BABAM2: variants seen among roughly 807,000 people sequenced by gnomAD.
The protein encoded by BABAM2 is BRISC and BRCA1 A complex member 2, also known as BRISC and BRCA1-A complex member 2.
In BABAM2, 31 loss-of-function variants were observed where a neutral mutation model predicts 54.7. The ratio of observed to expected loss-of-function variants is 0.57; its 90% confidence interval spans 0.43 to 0.77. BABAM2 has a LOEUF of 0.77. Among genes scored for constraint, BABAM2 ranks in the 30% least tolerant of loss-of-function variants. The pLI, the probability that BABAM2 is intolerant of heterozygous loss-of-function variation, is 0.00. For missense variants in BABAM2, 364 were observed against 455.8 expected (o/e 0.80, Z 1.83); for synonymous variants, 167 against 162.9 (o/e 1.03, Z -0.19).
At chr2:27,905,187 G>A (rs1262280767) in intron 2 of BABAM2, among the ~76,000 whole-genome samples, 2 of 152,182 alleles carry the variant, frequency 1.3e-5, no homozygotes, top group Non-Finnish European at 2.9e-5. Flanking sequence ...AAGAAAAATA[G>A]CCAGGACCAG....
rs1210329944 is a variant in BABAM2 at position 28,329,691 on chromosome 2, T to C, written c.1089-8759T>C. ...GTTCTGAAATTGAGGCAGTAATAAA[T>C]AGCCTACCAACCAAAAAAAGCCCAG... On this transcript the variant is annotated intron_variant, in intron 11 of 11. Coordinates refer to ENST00000379624, the MANE Select transcript of BABAM2 (RefSeq NM_199191.3). This position sits in a 1 kb window ranked among gnomAD's most constrained non-coding sequence, Gnocchi z 4.2. 6.6e-6 allele frequency among the ~76,000 whole-genome samples: 1 copy of C among 152,128 alleles called. No individual in the cohort carries two copies. The highest frequency in any genetic ancestry group is 2.4e-5 in the African/African-American group (1 of 41,414).
intron 7 of BABAM2, among the ~76,000 whole-genome samples, chr2:28,213,293 A>C (rs1187246669): frequency 6.6e-6 from 1 of 152,168 alleles, no homozygotes; most frequent in Non-Finnish European, 1.5e-5. Context: ...ATCTGGTAAG[A>C]AACTGAACAC....
At chr2:28,099,027 A>G (rs1212452958) in intron 6 of BABAM2, among the ~76,000 whole-genome samples, 1 of 152,142 alleles carries the variant, frequency 6.6e-6, no homozygotes, top group Non-Finnish European at 1.5e-5. Context: ...TCTCTTGTTC[A>G]CTCAGAAACC....
At chr2:28,326,883 CCCTT>C (rs1008041445) in intron 11 of BABAM2, among the ~76,000 whole-genome samples, 3 of 151,898 alleles carry the variant, frequency 2.0e-5, no homozygotes, top group African/African-American at 7.3e-5. Flanking sequence ...TCTCCCCTTC[CCCTT>C]CCTTGTAATG....
chr2:28,012,547 A>T (rs1470937641), intron 4 of BABAM2, among the ~76,000 whole-genome samples: 1 of 152,216 alleles, frequency 6.6e-6, no homozygotes, highest in African/African-American at 2.4e-5. Flanking sequence ...TTTTGTATTT[A>T]AACGATATTA....
At chr2:28,188,474 G>A (rs1676555641) in intron 7 of BABAM2, among the ~76,000 whole-genome samples, 1 of 152,168 alleles carries the variant, frequency 6.6e-6, no homozygotes, top group African/African-American at 2.4e-5. Flanking sequence ...TGAAATCACT[G>A]AAAATAATTC....
intron 5 of BABAM2, among the ~76,000 whole-genome samples, chr2:28,040,829 A>T (rs1293677207): frequency 1.3e-5 from 2 of 152,226 alleles, no homozygotes; most frequent in Non-Finnish European, 1.5e-5. Flanking sequence ...AAAAATTTAT[A>T]TTAGTCCTGG....
intron 6 of BABAM2, among the ~76,000 whole-genome samples, chr2:28,063,428 A>G (rs946907785): frequency 3.9e-5 from 6 of 152,248 alleles, no homozygotes; most frequent in African/African-American, 7.2e-5. Context: ...TAATCAAAAT[A>G]AAAATTGTTA....
chr2:28,214,217 T>C (rs982182520), intron 7 of BABAM2, among the ~76,000 whole-genome samples: 2 of 152,176 alleles, frequency 1.3e-5, no homozygotes, highest in African/African-American at 4.8e-5. Flanking sequence ...TAATCTGATA[T>C]ATAGATTCAT....
intron 11 of BABAM2, among the ~76,000 whole-genome samples, chr2:28,319,006 C>CT (rs1689799875): frequency 6.6e-6 from 1 of 152,226 alleles, no homozygotes. Flanking sequence ...AAGATTAACT[C>CT]TAAGCGGTGG....
chr2:28,247,654 A>T (rs1252508413), intron 10 of BABAM2, among the ~76,000 whole-genome samples: 1 of 152,204 alleles, frequency 6.6e-6, no homozygotes, highest in Admixed American at 6.5e-5. Context: ...TACTTCATGG[A>T]GGTTGAAGAC....
chr2:28,301,868 T>A (rs1161260630), intron 11 of BABAM2, among the ~76,000 whole-genome samples: 1 of 152,246 alleles, frequency 6.6e-6, no homozygotes, highest in Non-Finnish European at 1.5e-5. Flanking sequence ...ATATATCTTT[T>A]TTTAAAATTA....
At chr2:28,038,873 G>A (rs539883228) in intron 5 of BABAM2, among the ~76,000 whole-genome samples, 4 of 152,272 alleles carry the variant, frequency 2.6e-5, no homozygotes, top group African/African-American at 9.6e-5. Flanking sequence ...TTGGTAGAGC[G>A]ATTTATTTTC....
intron 3 of BABAM2, among the ~76,000 whole-genome samples, chr2:27,971,451 A>G (rs1290853955): frequency 2.0e-5 from 3 of 152,034 alleles, no homozygotes; most frequent in Admixed American, 6.6e-5. Context: ...CTATTGCTTC[A>G]CATCTCAGGG....
At chr2:28,032,239 A>G (rs1348031846) in intron 5 of BABAM2, among the ~76,000 whole-genome samples, 2 of 152,090 alleles carry the variant, frequency 1.3e-5, no homozygotes, top group Non-Finnish European at 2.9e-5. Flanking sequence ...TGCCACATAC[A>G]TTTATATTCT....
At chr2:28,160,922 A>G (rs1374219456) in intron 7 of BABAM2, among the ~76,000 whole-genome samples, 1 of 152,138 alleles carries the variant, frequency 6.6e-6, no homozygotes, top group South Asian at 2.1e-4. Flanking sequence ...TCTACTATCT[A>G]TGCTTTTAAA....
At chr2:27,930,034 C>A in intron 3 of BABAM2, 126 bp downstream of exon 3, 1 of 811,016 alleles carries the variant, frequency 1.2e-6, no homozygotes, top group East Asian at 2.8e-5. Flanking sequence ...TAGCATTTAC[C>A]ACTTTTCTTA....
intron 7 of BABAM2, among the ~76,000 whole-genome samples, chr2:28,171,505 G>A (rs1407236116): frequency 6.6e-6 from 1 of 152,176 alleles, no homozygotes; most frequent in Non-Finnish European, 1.5e-5. Context: ...GCTAGGGAGT[G>A]GAGGGGACGG....
intron 3 of BABAM2, among the ~76,000 whole-genome samples, chr2:27,944,696 C>T (rs1326633709): frequency 6.6e-6 from 1 of 151,590 alleles, no homozygotes; most frequent in East Asian, 1.9e-4. Context: ...CATTTTTGTA[C>T]GTGTCTTTTT....
Sources: gnomAD v4.1 joint callset for allele counts (sites outside exome capture counted in the v4.1 genomes callset) on GRCh38, gnomAD v4.1.1 for gene constraint, Gnocchi (gnomAD v3.1) non-coding constraint, MANE v1.5 for transcripts, NCBI Gene and HGNC (gene_info 2026-07-23, HGNC 2026-07-21) for gene names.